NBEA: variants seen among roughly 807,000 people sequenced by gnomAD.
The protein encoded by NBEA is neurobeachin.
In NBEA, 44 loss-of-function variants were observed where a neutral mutation model predicts 343.4. The observed-to-expected ratio is 0.13, with a 90% CI of 0.10 to 0.16. The LOEUF (loss-of-function observed/expected upper bound fraction) is 0.16. Ranked by LOEUF, NBEA falls within the 10% of genes least tolerant of loss-of-function variation. The pLI is 1.00. For synonymous variants in NBEA, 1,175 were observed against 1,238.7 expected (o/e 0.95, Z 1.08); for missense variants, 2,555 against 3,631.3 (o/e 0.70, Z 7.62).
chr13:35,446,759 A>C (rs2046069137), intron 39 of NBEA, among the ~76,000 whole-genome samples: 1 of 152,146 alleles, frequency 6.6e-6, no homozygotes, highest in Non-Finnish European at 1.5e-5. Context: ...AACATTGAAA[A>C]TGTATTATTC....
intron 41 of NBEA, among the ~76,000 whole-genome samples, chr13:35,537,387 A>G (rs1045602719): frequency 1.3e-5 from 2 of 152,104 alleles, no homozygotes; most frequent in Non-Finnish European, 2.9e-5. Context: ...CTTTAATTCA[A>G]TCATTCAACA....
At chr13:35,299,584 G>C (rs1371874685) in intron 35 of NBEA, among the ~76,000 whole-genome samples, 5 of 152,250 alleles carry the variant, frequency 3.3e-5, no homozygotes, top group Non-Finnish European at 7.4e-5. Context: ...CATCCATGTT[G>C]AAGAGTTAAA....
intron 1 of NBEA, among the ~76,000 whole-genome samples, chr13:35,024,234 C>T (rs1190343197): frequency 2.0e-5 from 3 of 152,088 alleles, no homozygotes; most frequent in Non-Finnish European, 4.4e-5. Context: ...CTTTATCCAG[C>T]CCACTGTTGA....
At chr13:35,211,009 A>G (rs948548158) in intron 32 of NBEA, 44 bp from the exon 33 acceptor site, 4 of 1,526,700 alleles carry the variant, frequency 2.6e-6, no homozygotes, top group African/African-American at 1.4e-5. Flanking sequence ...AATTTTTTTA[A>G]ATAAATTTAT....
At chr13:35,110,468 G>A (rs1454178671) in intron 12 of NBEA, among the ~76,000 whole-genome samples, 1 of 151,938 alleles carries the variant, frequency 6.6e-6, no homozygotes, top group Non-Finnish European at 1.5e-5. Flanking sequence ...TTTTTACATT[G>A]AAAGCTACTG....
At chr13:35,316,467 C>T (rs2037727067) in intron 36 of NBEA, among the ~76,000 whole-genome samples, 1 of 152,174 alleles carries the variant, frequency 6.6e-6, no homozygotes, top group Non-Finnish European at 1.5e-5. Flanking sequence ...CATAGTATTC[C>T]ATGGTGTATA....
chr13:35,110,760 C>A, intron 12 of NBEA, 50 bp from the exon 13 acceptor site: 2 of 1,481,608 alleles, frequency 1.3e-6, no homozygotes, highest in Non-Finnish European at 1.9e-6. Flanking sequence ...AATATGAGCA[C>A]TTGAGGCATT....
chr13:35,508,650 C>T (rs1042624710), intron 41 of NBEA, among the ~76,000 whole-genome samples: 1 of 152,110 alleles, frequency 6.6e-6, no homozygotes, highest in Non-Finnish European at 1.5e-5. Context: ...TCAGAATGAC[C>T]ATTGGAGGAA....
intron 1 of NBEA, among the ~76,000 whole-genome samples, chr13:34,992,242 A>G (rs867316413): frequency 0.046 from 5,972 of 129,424 alleles, 175 homozygotes; most frequent in South Asian, 0.1. Flanking sequence ...GTGTGTGTAT[A>G]TATATATATA....
intron 11 of NBEA, among the ~76,000 whole-genome samples, chr13:35,103,968 C>T (rs1162459342): frequency 1.3e-5 from 2 of 151,830 alleles, no homozygotes; most frequent in Non-Finnish European, 2.9e-5. Context: ...ACTAGTTATC[C>T]TAAAATGTGC....
intron 14 of NBEA, among the ~76,000 whole-genome samples, chr13:35,117,834 A>G (rs1015089854): frequency 6.6e-6 from 1 of 152,014 alleles, no homozygotes; most frequent in Non-Finnish European, 1.5e-5. Context: ...GAATTTTTTA[A>G]ATGTTAAGAT....
At chr13:35,151,479 G>A (rs1375449102) in intron 18 of NBEA, among the ~76,000 whole-genome samples, 1 of 149,760 alleles carries the variant, frequency 6.7e-6, no homozygotes, top group Non-Finnish European at 1.5e-5. Flanking sequence ...GGAGGTGGAG[G>A]TTGCGGTGAG....
In NBEA at chr13:35,628,166, T is replaced by C. The variant is rs1211483002; in HGVS notation, c.7535T>C (p.Val2512Ala). The C allele has an allele frequency of 6.2e-7, 1 of 1,613,232 alleles. No individual in the cohort carries two copies. The highest frequency in any genetic ancestry group is 8.5e-7 in the Non-Finnish European group (1 of 1,179,574). The change falls in exon 49 of 59, where the codon GTT (valine) becomes GCT (alanine). Residue 2512 changes from valine (V) to alanine (A), a missense_variant. Val to Ala is a moderately conservative substitution (Grantham distance 64, BLOSUM62 0). Coordinates refer to ENST00000379939, the MANE Select transcript of NBEA (RefSeq NM_001385012.1). Reference protein sequence around the residue: ...FGYKQRGPEAVRALNVFHYLT... With the variant: ...FGYKQRGPEAARALNVFHYLT... ...TATAAGCAGCGAGGACCAGAAGCAG[T>C]TCGTGCTCTGAATGTTTTTCACTAC...
intron 1 of NBEA, among the ~76,000 whole-genome samples, chr13:34,957,135 T>A (rs2152488260): frequency 6.6e-6 from 1 of 152,256 alleles, no homozygotes; most frequent in East Asian, 1.9e-4. Context: ...TATTTAAAAA[T>A]TCATTTTTTC....
chr13:35,231,508 G>A (rs986826439), intron 33 of NBEA, among the ~76,000 whole-genome samples: 1 of 152,040 alleles, frequency 6.6e-6, no homozygotes, highest in Admixed American at 6.6e-5. Context: ...AGAAGAATGT[G>A]TACTCATCTA....
chr13:35,026,057 A>G (rs1292041105), intron 1 of NBEA, among the ~76,000 whole-genome samples: 2 of 152,088 alleles, frequency 1.3e-5, no homozygotes, highest in Non-Finnish European at 2.9e-5. Flanking sequence ...CAAGGACAGG[A>G]CCAGGTGGAG....
chr13:35,305,169 C>A (rs749784616), intron 35 of NBEA, among the ~76,000 whole-genome samples: 3 of 152,094 alleles, frequency 2.0e-5, no homozygotes, highest in Non-Finnish European at 2.9e-5. Flanking sequence ...ATTGCCTCTT[C>A]GCTCTTTATT....
At chr13:35,168,322 AATT>A (rs1474599120) in intron 24 of NBEA, among the ~76,000 whole-genome samples, 4 of 151,626 alleles carry the variant, frequency 2.6e-5, no homozygotes, top group South Asian at 4.1e-4. Flanking sequence ...TAATGAATAT[AATT>A]ATTAATGTAA....
intron 34 of NBEA, among the ~76,000 whole-genome samples, chr13:35,269,258 A>G (rs1328726834): frequency 2.0e-5 from 3 of 152,168 alleles, no homozygotes; most frequent in Non-Finnish European, 4.4e-5. Context: ...CAGAAAATGC[A>G]TCTGTTAATA....
Sources: allele counts gnomAD v4.1 joint callset (sites outside exome capture counted in the v4.1 genomes callset), GRCh38; gene constraint gnomAD v4.1.1; transcripts MANE v1.5; gene names NCBI Gene and HGNC (gene_info 2026-07-23, HGNC 2026-07-21).